Variants in NEK10 observed in about 807,000 individuals in gnomAD.
NEK10 encodes the protein NIMA related kinase 10.
A neutral mutation model predicts 159.8 loss-of-function variants in NEK10; 122 were observed. The observed-to-expected ratio is 0.76, with a 90% CI of 0.66 to 0.89. The LOEUF (loss-of-function observed/expected upper bound fraction) is 0.89. Among genes scored for constraint, NEK10 ranks in the 40% least tolerant of loss-of-function variants. The probability of loss-of-function intolerance (pLI) is 0.00; values close to 1 mark genes in which losing one functional copy is unlikely to be tolerated. For missense variants in NEK10, 1,342 were observed against 1,323.1 expected (o/e 1.01, Z -0.22); for synonymous variants, 466 against 457.1 (o/e 1.02, Z -0.25).
chr3:27,330,170 G>T lies in NEK10; in HGVS notation c.363-7909C>A, dbSNP rs139375159. Among the ~76,000 whole-genome samples, 70 of 152,196 alleles carry T rather than the reference G, an allele frequency of 4.6e-4. 2 individuals are homozygous for T. The East Asian group carries it at 0.011, about 23-fold the overall frequency. Reference sequence around the variant, plus strand: ...TGCCTGTGTGTGTGTGTACATGTGTGTACACATTTACCTAAAATACCCTAG... The same window carrying T: ...TGCCTGTGTGTGTGTGTACATGTGTTTACACATTTACCTAAAATACCCTAG... On this transcript the variant is annotated intron_variant, in intron 5 of 35. Coordinates refer to ENST00000691995, the MANE Select transcript of NEK10 (RefSeq NM_001394966.1).
intron 23 of NEK10, among the ~76,000 whole-genome samples, chr3:27,239,659 C>A (rs1339422689): frequency 2.0e-5 from 3 of 152,080 alleles, no homozygotes; most frequent in Non-Finnish European, 2.9e-5. Context: ...TCTATCCGAT[C>A]TTTGTATGTA....
At chr3:27,228,293 C>T (rs1387078963) in intron 23 of NEK10, among the ~76,000 whole-genome samples, 2 of 152,140 alleles carry the variant, frequency 1.3e-5, no homozygotes, top group Non-Finnish European at 2.9e-5. Flanking sequence ...TTCATTTCCT[C>T]ATGATGACTT....
chr3:27,313,526 C>T (rs1465064038), intron 7 of NEK10, among the ~76,000 whole-genome samples: 2 of 152,126 alleles, frequency 1.3e-5, no homozygotes, highest in African/African-American at 4.8e-5. Flanking sequence ...GGCCCAGTGG[C>T]ACACACCTGT....
intron 15 of NEK10, among the ~76,000 whole-genome samples, chr3:27,294,671 C>T (rs966951770): frequency 6.6e-6 from 1 of 152,080 alleles, no homozygotes; most frequent in Non-Finnish European, 1.5e-5. Context: ...AGAGACACCC[C>T]GAAAGAGTCT....
chr3:27,233,078 A>T (rs577765232), intron 23 of NEK10, among the ~76,000 whole-genome samples: 1 of 152,290 alleles, frequency 6.6e-6, no homozygotes, highest in East Asian at 1.9e-4. Flanking sequence ...AGCAATATAA[A>T]TAATCAGCAG....
intron 26 of NEK10, among the ~76,000 whole-genome samples, chr3:27,175,109 A>T (rs1271677970): frequency 6.6e-6 from 1 of 152,184 alleles, no homozygotes; most frequent in African/African-American, 2.4e-5. Context: ...AGCGGGGGGA[A>T]ATATGTACTT....
intron 1 of NEK10, among the ~76,000 whole-genome samples, chr3:27,362,243 A>G (rs1441352494): frequency 6.6e-6 from 1 of 152,168 alleles, no homozygotes; most frequent in African/African-American, 2.4e-5. Flanking sequence ...GGACACAGTG[A>G]GTAGATGAGT....
At chr3:27,318,092 C>G (rs570071531) in intron 6 of NEK10, among the ~76,000 whole-genome samples, 128 of 152,262 alleles carry the variant, frequency 8.4e-4, no homozygotes, top group African/African-American at 3.0e-3. Context: ...CGTGAGCCAC[C>G]GCGCCCAGCC....
At chr3:27,173,055 T>A (rs1315641126) in intron 28 of NEK10, among the ~76,000 whole-genome samples, 1 of 152,210 alleles carries the variant, frequency 6.6e-6, no homozygotes, top group Non-Finnish European at 1.5e-5. Flanking sequence ...TTCGGTTACC[T>A]GAGCAATTGT....
intron 1 of NEK10, among the ~76,000 whole-genome samples, chr3:27,359,956 T>C (rs1207165517): frequency 6.6e-6 from 1 of 152,222 alleles, no homozygotes; most frequent in East Asian, 1.9e-4. Flanking sequence ...TAGAAAACTA[T>C]AAATCCTCCA....
At chr3:27,194,598 T>G (rs1949408687) in intron 25 of NEK10, 1 of 151,336 alleles carries the variant, frequency 6.6e-6, no homozygotes, top group Admixed American at 6.6e-5. Flanking sequence ...GAAGGATACC[T>G]TATTCAATTA....
At chr3:27,306,868 C>T (rs1482786647) in intron 11 of NEK10, among the ~76,000 whole-genome samples, 1 of 152,204 alleles carries the variant, frequency 6.6e-6, no homozygotes, top group Non-Finnish European at 1.5e-5. Flanking sequence ...CCAACCATCA[C>T]ATTCCTCTAA....
chr3:27,158,143 A>G (rs148087762), intron 30 of NEK10, among the ~76,000 whole-genome samples: 1 of 152,176 alleles, frequency 6.6e-6, no homozygotes, highest in South Asian at 2.1e-4. Flanking sequence ...AGATACACCT[A>G]TATCTATCAA....
Position 27,367,992 on chromosome 3 carries a change from G to A in NEK10, c.-38+1233C>T, listed in dbSNP as rs761442026. On this transcript the variant is annotated intron_variant, in intron 1 of 35. Transcript: ENST00000691995. Reference sequence around the variant, plus strand: ...AGGGAAGGGAAATGCCCTTATGTGCGTTTTAAAAAGATCAGTTTAGCCGGG... The same window carrying A: ...AGGGAAGGGAAATGCCCTTATGTGCATTTTAAAAAGATCAGTTTAGCCGGG... 4.6e-5 allele frequency among the ~76,000 whole-genome samples: 7 copies of A among 152,188 alleles called. No homozygotes were observed. The South Asian group carries it at 6.2e-4, about 14-fold the overall frequency.
intron 23 of NEK10, among the ~76,000 whole-genome samples, chr3:27,212,123 G>T (rs1162235605): frequency 6.6e-6 from 1 of 152,162 alleles, no homozygotes; most frequent in East Asian, 1.9e-4. Context: ...AATCGCTGAG[G>T]ACAGAGTCAA....
chr3:27,115,539 CTT>C (rs1375546896), intron 35 of NEK10, among the ~76,000 whole-genome samples: 1 of 152,126 alleles, frequency 6.6e-6, no homozygotes, highest in Non-Finnish European at 1.5e-5. Flanking sequence ...TTCAGTTGCA[CTT>C]TGTCCCTAGC....
intron 29 of NEK10, among the ~76,000 whole-genome samples, chr3:27,166,700 C>G (rs969817944): frequency 2.0e-5 from 3 of 152,128 alleles, no homozygotes; most frequent in African/African-American, 7.2e-5. Context: ...TGGCTTATGC[C>G]TGCAATCCTA....
intron 23 of NEK10, among the ~76,000 whole-genome samples, chr3:27,213,861 C>T (rs1951242353): frequency 6.6e-6 from 1 of 152,204 alleles, no homozygotes; most frequent in Admixed American, 6.5e-5. Flanking sequence ...AAAGCTGTCT[C>T]TTGTGGGGGA....
chr3:27,254,082 C>A (rs1188307310), intron 23 of NEK10, among the ~76,000 whole-genome samples: 1 of 152,168 alleles, frequency 6.6e-6, no homozygotes, highest in African/African-American at 2.4e-5. Flanking sequence ...CAGGGCAACT[C>A]AAAGACATCC....
Sources: allele counts gnomAD v4.1 joint callset (sites outside exome capture counted in the v4.1 genomes callset), GRCh38; gene constraint gnomAD v4.1.1; transcripts MANE v1.5; gene names NCBI Gene and HGNC (gene_info 2026-07-23, HGNC 2026-07-21).